The following CENPM variants were observed in gnomAD, a reference collection of about 807,000 sequenced individuals.
The protein encoded by CENPM is interphase centromere complex protein 39.
CENPM carries 14 observed loss-of-function variants against 19.6 expected under a neutral mutation model. The observed-to-expected ratio is 0.71, with a 90% CI of 0.47 to 1.11. The LOEUF is 1.11. Ranked by LOEUF, CENPM falls within the 50% of genes most tolerant of loss-of-function variation. CENPM has a pLI of 0.00. For synonymous variants in CENPM, 114 were observed against 101.5 expected (o/e 1.12, Z -0.74); for missense variants, 239 against 228.4 (o/e 1.05, Z -0.30).
Position 41,946,573 on chromosome 22 carries a change from T to A in CENPM, c.58-77A>T, listed in dbSNP as rs139523108. 8.1e-4 allele frequency: 996 copies of A among 1,224,962 alleles called. 5 individuals carry two copies. In the African/African-American group the frequency reaches 0.014, roughly 17 times the overall value. 75.9% of individuals were successfully genotyped at this position (1,224,962 alleles called of 1,614,324 possible). A position where few individuals can be genotyped will look rare whatever the true frequency, so the allele number is the denominator to read the frequency against. On this transcript the variant is annotated intron_variant, in intron 1 of 5. Coordinates refer to ENST00000215980, the MANE Select transcript of CENPM (RefSeq NM_024053.5). The stretch of plus-strand genomic sequence containing the variant: ...GGGAGGGCCTGGCCCTTCGACCCAC[T>A]CCCGGGGGGATCGGGACACCGCCAG...
chr22:41,927,326 T>A, the CENPM span, among the ~76,000 whole-genome samples: 2 of 152,008 alleles, frequency 1.3e-5, no homozygotes, highest in Non-Finnish European at 2.9e-5. Flanking sequence ...GACCAGAGCC[T>A]CCTCTTGGGT....
Position 41,945,210 on chromosome 22 carries a change from G to C in CENPM, c.310+15C>G, listed in dbSNP as rs767650101. 1.2e-6 allele frequency: 2 copies of C among 1,613,874 alleles called. No individual in the cohort carries two copies. The highest frequency in any genetic ancestry group is 4.5e-5 in the East Asian group (2 of 44,864). On this transcript the variant is annotated intron_variant, in intron 4 of 5. Coordinates refer to ENST00000215980, the MANE Select transcript of CENPM (RefSeq NM_024053.5). ...TGGCTGGGGGTGGGCAGTAACAGGC[G>C]AGGAACGTACTTACCACCTGTGGCG...
chr22:41,941,514 T>G (rs2077738483), intron 5 of CENPM, among the ~76,000 whole-genome samples: 1 of 152,040 alleles, frequency 6.6e-6, no homozygotes. Context: ...GGCACCACTG[T>G]CCCCCACCAG....
chr22:41,941,488 T>C (rs1202564386), intron 5 of CENPM, among the ~76,000 whole-genome samples: 1 of 152,162 alleles, frequency 6.6e-6, no homozygotes, highest in African/African-American at 2.4e-5. Flanking sequence ...TTACACCACT[T>C]GTCACAGGGT....
the CENPM span, among the ~76,000 whole-genome samples, chr22:41,932,420 C>A: frequency 6.6e-6 from 1 of 152,222 alleles, no homozygotes; most frequent in Non-Finnish European, 1.5e-5. This position sits in a 1 kb window ranked among gnomAD's most constrained non-coding sequence, Gnocchi z 4.3. Context: ...TGGGAGTCCC[C>A]AGATCCCGTT....
At chr22:41,946,960 T>G in intron 1 of CENPM, 60 bp downstream of exon 1, 1 of 1,557,468 alleles carries the variant, frequency 6.4e-7, no homozygotes, top group Non-Finnish European at 8.8e-7. Context: ...GTTGACCTAG[T>G]GGCTGAAGCA....
chr22:41,935,932 G>A (rs369485580), downstream of CENPM, among the ~76,000 whole-genome samples: 9 of 150,742 alleles, frequency 6.0e-5, no homozygotes, highest in East Asian at 1.8e-3. Context: ...GTGCAGTGGT[G>A]CAATCTCAGC....
chr22:41,931,640 T>G, the CENPM span, among the ~76,000 whole-genome samples: 103 of 152,248 alleles, frequency 6.8e-4, no homozygotes, highest in African/African-American at 2.4e-3. Flanking sequence ...AACAGAGGCT[T>G]TAAGGGGCAA....
chr22:41,936,770 A>G (rs971108623), downstream of CENPM, among the ~76,000 whole-genome samples: 1 of 152,208 alleles, frequency 6.6e-6, no homozygotes, highest in South Asian at 2.1e-4. Flanking sequence ...TCTACTAAAA[A>G]TACAAAAATT....
At chr22:41,928,201 G>A in the CENPM span, 2 of 411,354 alleles carry the variant, frequency 4.9e-6, no homozygotes, top group South Asian at 3.7e-5. The surrounding 1 kb of genome is among the most constrained non-coding windows in gnomAD (Gnocchi z 4.0). Context: ...TGACTGCAGT[G>A]GAGGGAAGCC....
At chr22:41,939,348 T>C (rs2146601528) in intron 5 of CENPM, 152 bp from the exon 6 acceptor site, 1 of 899,496 alleles carries the variant, frequency 1.1e-6, no homozygotes, top group Non-Finnish European at 1.6e-6. Flanking sequence ...CCCTCATTCA[T>C]GCCACACCTC....
chr22:41,940,197 C>T (rs777569489), intron 5 of CENPM: 18 of 760,554 alleles, frequency 2.4e-5, no homozygotes, highest in Admixed American at 3.6e-5. Flanking sequence ...CCTCCTTCCA[C>T]GAGGTATCTC....
In CENPM at chr22:41,939,884, A is replaced by AAGAAAGAAAG. The variant is rs2077720940; in HGVS notation, c.403-698_403-689dup. Among the ~76,000 whole-genome samples the AAGAAAGAAAG allele has an allele frequency of 4.3e-5, 4 of 93,440 alleles. 1 individual carries two copies. The highest frequency in any genetic ancestry group is 2.5e-4 in the African/African-American group (4 of 15,792). 61.3% of individuals were successfully genotyped at this position (93,440 alleles called of 152,430 possible). A position where few individuals can be genotyped will look rare whatever the true frequency, so the allele number is the denominator to read the frequency against. ...AGAAAGAAAGAAAGAAAGAAAAAGAAAGAAAGAAAGAAAGAAAGAAAGAGC... is the reference window on the plus strand; with the variant it reads ...AGAAAGAAAGAAAGAAAGAAAAAGAAAGAAAGAAAGAGAAAGAAAGAAAGAAAGAAAGAGC... On this transcript the variant is annotated intron_variant, in intron 5 of 5. Transcript: ENST00000215980.
the CENPM span, among the ~76,000 whole-genome samples, chr22:41,929,682 G>A: frequency 6.6e-6 from 1 of 152,086 alleles, no homozygotes; most frequent in Admixed American, 6.5e-5. Flanking sequence ...TGACACAAAT[G>A]TTTGCTGGGC....
downstream of CENPM, among the ~76,000 whole-genome samples, chr22:41,935,538 G>A (rs1379050757): frequency 1.3e-5 from 2 of 152,162 alleles, no homozygotes; most frequent in Admixed American, 6.5e-5. Flanking sequence ...CATCCCTTCA[G>A]GGACCAAAGT....
chr22:41,933,475 A>G, the CENPM span, among the ~76,000 whole-genome samples: 3 of 152,082 alleles, frequency 2.0e-5, no homozygotes, highest in African/African-American at 7.2e-5. Flanking sequence ...AGGGGCCCCA[A>G]GTTCGGCTGG....
downstream of CENPM, among the ~76,000 whole-genome samples, chr22:41,938,172 C>T (rs55846650): frequency 1.5e-4 from 20 of 137,090 alleles, no homozygotes; most frequent in Non-Finnish European, 2.3e-4. Flanking sequence ...GACGGAGTCT[C>T]GCTCTGTTGC....
At chr22:41,936,955 G>C (rs576227117), downstream of CENPM, among the ~76,000 whole-genome samples, 217 of 152,154 alleles carry the variant, frequency 1.4e-3, no homozygotes, top group African/African-American at 5.0e-3. Flanking sequence ...GAAAAAAGCA[G>C]ACAGGCCCCG....
intron 4 of CENPM, chr22:41,944,825 C>G (rs1348449915): frequency 9.8e-7 from 1 of 1,021,708 alleles, no homozygotes; most frequent in Non-Finnish European, 1.2e-6. Context: ...CAGGCAACCA[C>G]TAGGCAACTC....
Sources: gnomAD v4.1 joint callset for allele counts (sites outside exome capture counted in the v4.1 genomes callset) on GRCh38, gnomAD v4.1.1 for gene constraint, Gnocchi (gnomAD v3.1) non-coding constraint, MANE v1.5 for transcripts, NCBI Gene and HGNC (gene_info 2026-07-23, HGNC 2026-07-21) for gene names.